The following AFG1L variants were observed in gnomAD, a reference collection of about 807,000 sequenced individuals.
AFG1L encodes AFG1 like ATPase, also known as AFG1-like ATPase.
AFG1L carries 53 observed loss-of-function variants against 62.2 expected under a neutral mutation model. The ratio of observed to expected loss-of-function variants is 0.85; its 90% confidence interval spans 0.68 to 1.07. AFG1L has a LOEUF of 1.07. Among genes scored for constraint, AFG1L ranks in the 50% least tolerant of loss-of-function variants. AFG1L has a pLI of 0.00. For missense variants in AFG1L, 555 were observed against 590.5 expected, an observed-to-expected ratio of 0.94 and a Z score of 0.62; for synonymous variants, 228 against 210.3, an observed-to-expected ratio of 1.08 and a Z score of -0.73.
rs75047092 is a variant in AFG1L, at chr6:108,461,052, T to C, written c.890+13756T>C. Among the ~76,000 whole-genome samples, 918 of 152,354 alleles carry C rather than the reference T, an allele frequency of 6.0e-3. 11 individuals are homozygous for C. The highest frequency in any genetic ancestry group is 0.021 in the African/African-American group (863 of 41,580). On this transcript the variant is annotated intron_variant, in intron 8 of 12. Coordinates refer to ENST00000368977, the MANE Select transcript of AFG1L (RefSeq NM_145315.5). ...GCTGGGGCTAAATCTGACTTCTTAG[T>C]AACATTTTAATTTTTTGAATAATTT... is the stretch of plus-strand genomic sequence containing the variant.
Position 108,438,340 on chromosome 6 carries a change from C to T in AFG1L, c.808-8874C>T, listed in dbSNP as rs985827144. The stretch of plus-strand genomic sequence containing the variant: ...CTCTCCGTGACTTGCAGGTGGCCAC[C>T]TTCTCACTGTGTTTTCACATGGCCT... On this transcript the variant is annotated intron_variant, in intron 7 of 12. Transcript: ENST00000368977. 7.9e-5 allele frequency among the ~76,000 whole-genome samples: 12 copies of T among 152,260 alleles called. No individual in the cohort carries two copies. In the South Asian group the frequency reaches 2.5e-3, roughly 32 times the overall value.
At chr6:108,446,661 C>T (rs1485267842) in intron 7 of AFG1L, among the ~76,000 whole-genome samples, 11 of 152,124 alleles carry the variant, frequency 7.2e-5, no homozygotes, top group East Asian at 3.9e-4. Context: ...TGTGCCACCA[C>T]GCCCAGCTAA....
At chr6:108,421,122 A>G (rs1261085684) in intron 7 of AFG1L, among the ~76,000 whole-genome samples, 2 of 152,126 alleles carry the variant, frequency 1.3e-5, no homozygotes, top group African/African-American at 4.8e-5. Context: ...TCCAATAAAC[A>G]TTTCATTTAG....
rs146519228 is a variant in AFG1L at position 108,470,756 on chromosome 6, A to G, written c.891-6109A>G. Among the ~76,000 whole-genome samples, 3 of 152,350 alleles carry G rather than the reference A, an allele frequency of 2.0e-5. No homozygotes were observed. In the East Asian group the frequency reaches 5.8e-4, roughly 29 times the overall value. ...TATGAGTTTCATATTTCATAAAAACATACACATTTTTAGTACTTTCATTAA... is the reference window on the plus strand; with the variant it reads ...TATGAGTTTCATATTTCATAAAAACGTACACATTTTTAGTACTTTCATTAA... On this transcript the variant is annotated intron_variant, in intron 8 of 12. Coordinates refer to ENST00000368977, the MANE Select transcript of AFG1L (RefSeq NM_145315.5).
intron 8 of AFG1L, among the ~76,000 whole-genome samples, chr6:108,471,661 A>T (rs558369378): frequency 2.0e-5 from 3 of 151,796 alleles, no homozygotes; most frequent in African/African-American, 7.3e-5. Context: ...GGGTTTCACT[A>T]TGTTGGCCAG....
chr6:108,518,089 G>C (rs1282277431), intron 11 of AFG1L, among the ~76,000 whole-genome samples: 1 of 152,236 alleles, frequency 6.6e-6, no homozygotes, highest in Non-Finnish European at 1.5e-5. Context: ...GTGGAAGTCA[G>C]TGTGGCAATT....
chr6:108,485,639 TA>T, intron 10 of AFG1L, among the ~76,000 whole-genome samples: 3 of 16,856 alleles, frequency 1.8e-4, no homozygotes, highest in African/African-American at 8.5e-4. Flanking sequence ...TATATATATA[TA>T]TATATATATA....
At chr6:108,402,292 G>T (rs1323109739) in intron 7 of AFG1L, among the ~76,000 whole-genome samples, 1 of 151,950 alleles carries the variant, frequency 6.6e-6, no homozygotes, top group South Asian at 2.1e-4. Context: ...GTGAAACCCC[G>T]TCTCTATTAA....
intron 8 of AFG1L, among the ~76,000 whole-genome samples, chr6:108,470,167 C>T (rs1019157048): frequency 6.6e-5 from 10 of 152,160 alleles, no homozygotes; most frequent in African/African-American, 1.9e-4. Context: ...CCAGTCATTC[C>T]TTCTTCTAGG....
intron 7 of AFG1L, among the ~76,000 whole-genome samples, chr6:108,435,610 C>T (rs1317509626): frequency 6.6e-6 from 1 of 152,116 alleles, no homozygotes; most frequent in Non-Finnish European, 1.5e-5. Context: ...CGCTTGAGGC[C>T]AGGAGAGAAG....
intron 8 of AFG1L, among the ~76,000 whole-genome samples, chr6:108,461,457 CTTGT>C (rs1408377717): frequency 1.3e-5 from 2 of 152,010 alleles, no homozygotes; most frequent in East Asian, 1.9e-4. Context: ...GCTGTTTCTT[CTTGT>C]TTGTTTGTTT....
intron 8 of AFG1L, among the ~76,000 whole-genome samples, chr6:108,463,082 G>T (rs1032387827): frequency 3.3e-5 from 5 of 151,952 alleles, no homozygotes; most frequent in African/African-American, 1.2e-4. Context: ...TTGAGGTCAG[G>T]AGTTCAAGAT....
intron 8 of AFG1L, among the ~76,000 whole-genome samples, chr6:108,465,833 A>G (rs1054885926): frequency 7.2e-5 from 11 of 152,184 alleles, no homozygotes; most frequent in Admixed American, 1.3e-4. Context: ...ATTTTTAATT[A>G]GTTCTTTTAA....
intron 7 of AFG1L, among the ~76,000 whole-genome samples, chr6:108,405,089 T>C (rs1465130982): frequency 3.3e-5 from 5 of 152,184 alleles, no homozygotes; most frequent in African/African-American, 1.2e-4. Context: ...TTGAGTAGCA[T>C]TGCTCCTTTT....
intron 6 of AFG1L, among the ~76,000 whole-genome samples, chr6:108,373,745 T>G (rs1028650660): frequency 1.9e-5 from 1 of 52,464 alleles, no homozygotes; most frequent in African/African-American, 5.9e-5. Flanking sequence ...CCCGGCTAAT[T>G]TTTGTAGTTT....
Position 108,524,934 on chromosome 6 carries a change from A to G in AFG1L, c.*2509A>G, listed in dbSNP as rs1412442084. On this transcript the variant is annotated 3_prime_UTR_variant, in exon 13 of 13. Coordinates refer to ENST00000368977, the MANE Select transcript of AFG1L (RefSeq NM_145315.5). ...AAAACAACCCCTAGATTGGAGAGCAACATTTCACTTTATATGTCTTTCTTC... is the reference window on the plus strand; with the variant it reads ...AAAACAACCCCTAGATTGGAGAGCAGCATTTCACTTTATATGTCTTTCTTC... The G allele has an allele frequency of 2.0e-5, 3 of 152,268 alleles. No individual in the cohort carries two copies. Among genetic ancestry groups the G allele is most frequent in the African/African-American group, 7.2e-5 (3 of 41,468 alleles). The allele number at this position is 152,268 out of a possible 1,614,324, so 9.4% of individuals were successfully genotyped here.
chr6:108,344,285 GT>G (rs1382573870), intron 2 of AFG1L, among the ~76,000 whole-genome samples: 2 of 152,016 alleles, frequency 1.3e-5, no homozygotes, highest in African/African-American at 4.8e-5. Flanking sequence ...GCTAATTTTT[GT>G]ATTTTCAGAA....
chr6:108,403,072 C>T (rs1234630172), intron 7 of AFG1L, among the ~76,000 whole-genome samples: 1 of 152,024 alleles, frequency 6.6e-6, no homozygotes, highest in Non-Finnish European at 1.5e-5. Flanking sequence ...CTACTATGTA[C>T]AATGTGTTGC....
Position 108,473,197 on chromosome 6 carries a change from TATTTCACATGTA to T in AFG1L, c.891-3660_891-3649del, listed in dbSNP as rs1270449248. Among the ~76,000 whole-genome samples, 4 of 152,248 alleles carry T rather than the reference TATTTCACATGTA, an allele frequency of 2.6e-5. No individual in the cohort carries two copies. The East Asian group carries it at 7.7e-4, about 29-fold the overall frequency. ...TGTTATAACAAAAATAATTTTGTGA[TATTTCACATGTA>T]ATTTCACTATATAGAAAATCAAGTA... On this transcript the variant is annotated intron_variant, in intron 8 of 12. Coordinates refer to ENST00000368977, the MANE Select transcript of AFG1L (RefSeq NM_145315.5).
Sources: gnomAD v4.1 joint callset for allele counts (sites outside exome capture counted in the v4.1 genomes callset) on GRCh38, gnomAD v4.1.1 for gene constraint, MANE v1.5 for transcripts, NCBI Gene and HGNC (gene_info 2026-07-23, HGNC 2026-07-21) for gene names.